NR6A1: variants seen among roughly 807,000 people sequenced by gnomAD.
NR6A1 encodes the protein nuclear receptor subfamily 6 group A member 1.
NR6A1 carries 7 observed loss-of-function variants against 59.1 expected under a neutral mutation model. The observed-to-expected ratio is 0.12, with a 90% CI of 0.07 to 0.22. NR6A1 has a LOEUF of 0.22. NR6A1 is among the 10% of genes least tolerant of loss of function. NR6A1 has a pLI of 1.00. For synonymous variants in NR6A1, 243 were observed against 236.1 expected, an observed-to-expected ratio of 1.03 and a Z score of -0.27; for missense variants, 468 against 611.6, an observed-to-expected ratio of 0.77 and a Z score of 2.48.
At chr9:124,718,162 C>CT (rs1311408752) in intron 2 of NR6A1, among the ~76,000 whole-genome samples, 2 of 152,236 alleles carry the variant, frequency 1.3e-5, no homozygotes, top group African/African-American at 4.8e-5. Context: ...CTAACTTTCA[C>CT]TCATGTTTTT....
chr9:124,535,900 G>A lies in NR6A1; in HGVS notation c.1057C>T (p.Pro353Ser). ...CACCTGTGTAGTTCTTCATCGGAGG[G>A]CGAGTACTTGGCAGTGACATCAGCC... ...ELADVTAKYS[P>S]SDEELHRFSD... is the part of the protein sequence containing the mutation. The change falls in exon 7 of 10, where the codon CCC (proline) becomes TCC (serine). Residue 353 changes from proline to serine, a missense_variant. By Grantham distance (74) the Pro-to-Ser change is moderately conservative. This residue lies in a region of NR6A1 where 176 missense variants were observed against 264.0 expected (regional missense o/e 0.67). Transcript: ENST00000487099. 1 of 1,614,114 alleles carries A rather than the reference G, an allele frequency of 6.2e-7. No homozygotes were observed. Among genetic ancestry groups the A allele is most frequent in the Non-Finnish European group, 8.5e-7 (1 of 1,180,016 alleles).
At chr9:124,671,201 T>TTTTTTGCACAACAAAGTG (rs1837784998) in intron 2 of NR6A1, among the ~76,000 whole-genome samples, 1 of 152,226 alleles carries the variant, frequency 6.6e-6, no homozygotes, top group Admixed American at 6.5e-5. Context: ...AAAGTGAATA[T>TTTTTTGCACAACAAAGTG]ATACTACTGA....
chr9:124,578,269 C>T (rs1000558997), intron 2 of NR6A1, among the ~76,000 whole-genome samples: 1 of 151,792 alleles, frequency 6.6e-6, no homozygotes, highest in Non-Finnish European at 1.5e-5. Context: ...TAAACCAAAA[C>T]TCCCCCTTGA....
chr9:124,592,963 A>G (rs1227854445), intron 2 of NR6A1, among the ~76,000 whole-genome samples: 1 of 152,242 alleles, frequency 6.6e-6, no homozygotes, highest in Non-Finnish European at 1.5e-5. Context: ...GATACAGTAA[A>G]ACAGGAATGT....
chr9:124,707,857 A>G (rs1402650219), intron 2 of NR6A1, among the ~76,000 whole-genome samples: 2 of 152,134 alleles, frequency 1.3e-5, no homozygotes, highest in Admixed American at 6.5e-5. Flanking sequence ...GTAATCAACC[A>G]CCTTGAGCTC....
chr9:124,757,983 G>A (rs1056358654), intron 1 of NR6A1, among the ~76,000 whole-genome samples: 1 of 152,152 alleles, frequency 6.6e-6, no homozygotes, highest in Non-Finnish European at 1.5e-5. Context: ...GAAAAGGCTC[G>A]CAGCAGATAG....
rs1463276675 is a variant in NR6A1, at chr9:124,526,838, T to C, written c.1142A>G (p.Gln381Arg). ...ATACTCCTCGTTGCTGACCTTTAGC[T>C]GATGGAACTTGTGATAGAGGTAGAT... ...RLIYLYHKFHQLKVSNEEYAC... is the reference protein window; with the variant it reads ...RLIYLYHKFHRLKVSNEEYAC... Residue 381 changes from glutamine (Q) to arginine (R), a missense_variant, in exon 8 of 10, where the codon CAG becomes CGG. Physicochemically the swap from Gln to Arg is conservative, Grantham distance 43. Around this residue, in one of 4 missense-constraint regions of NR6A1, gnomAD observed 176 missense variants for 264.0 expected, o/e 0.67. Coordinates refer to ENST00000487099, the MANE Select transcript of NR6A1 (RefSeq NM_033334.4). 2 of 1,614,156 alleles carry C rather than the reference T, an allele frequency of 1.2e-6. No homozygotes were observed. The highest frequency in any genetic ancestry group is 1.1e-5 in the South Asian group (1 of 91,082).
At chr9:124,622,642 A>G (rs924740278) in intron 2 of NR6A1, among the ~76,000 whole-genome samples, 2 of 152,186 alleles carry the variant, frequency 1.3e-5, no homozygotes, top group Non-Finnish European at 2.9e-5. Flanking sequence ...GATACTTGAT[A>G]TATTTTTTCA....
rs539559812 is a variant in NR6A1 at position 124,646,919 on chromosome 9, T to C, written c.142+86389A>G. ...AACAAAAAGTTGTGGGTGTGGAGTT[T>C]TTAAATTTTTTAACAGATAGAATCT... is the stretch of plus-strand genomic sequence containing the variant. On this transcript the variant is annotated intron_variant, in intron 2 of 9. Coordinates refer to ENST00000487099, the MANE Select transcript of NR6A1 (RefSeq NM_033334.4). 2.3e-4 allele frequency among the ~76,000 whole-genome samples: 35 copies of C among 152,332 alleles called. No individual in the cohort carries two copies. The South Asian group carries it at 3.1e-3, about 14-fold the overall frequency.
chr9:124,615,983 T>G (rs1156373732), intron 2 of NR6A1, among the ~76,000 whole-genome samples: 1 of 151,910 alleles, frequency 6.6e-6, no homozygotes, highest in African/African-American at 2.4e-5. Flanking sequence ...TGCCTCAGCC[T>G]CACAAAGCTG....
At chr9:124,533,230 C>T (rs1019981097) in intron 7 of NR6A1, among the ~76,000 whole-genome samples, 1 of 152,220 alleles carries the variant, frequency 6.6e-6, no homozygotes, top group African/African-American at 2.4e-5. Flanking sequence ...AGCATCAGAG[C>T]AGGCTGACTG....
chr9:124,602,184 T>C (rs960195742), intron 2 of NR6A1, among the ~76,000 whole-genome samples: 4 of 152,186 alleles, frequency 2.6e-5, no homozygotes, highest in Non-Finnish European at 5.9e-5. Flanking sequence ...TCCATGAATT[T>C]TTAAAGTATC....
intron 2 of NR6A1, among the ~76,000 whole-genome samples, chr9:124,691,692 G>A (rs1838548978): frequency 1.3e-5 from 2 of 152,118 alleles, no homozygotes; most frequent in Non-Finnish European, 2.9e-5. Flanking sequence ...TAGGTGGTGG[G>A]TTTTTGGTTT....
At chr9:124,691,179 T>C (rs1457196302) in intron 2 of NR6A1, among the ~76,000 whole-genome samples, 1 of 152,242 alleles carries the variant, frequency 6.6e-6, no homozygotes, top group Non-Finnish European at 1.5e-5. Flanking sequence ...TGATTTTTTG[T>C]GTGTGTATAC....
intron 2 of NR6A1, among the ~76,000 whole-genome samples, chr9:124,639,708 C>A (rs113754451): frequency 6.6e-6 from 1 of 152,070 alleles, no homozygotes; most frequent in African/African-American, 2.4e-5. Flanking sequence ...AGGAGGAGGG[C>A]AAATGGATCA....
At chr9:124,714,206 A>C (rs1839355634) in intron 2 of NR6A1, among the ~76,000 whole-genome samples, 2 of 152,316 alleles carry the variant, frequency 1.3e-5, no homozygotes, top group South Asian at 4.1e-4. Context: ...CATAGAGACA[A>C]AAAGTAGAAT....
intron 2 of NR6A1, among the ~76,000 whole-genome samples, chr9:124,727,178 A>G (rs1839747223): frequency 6.6e-6 from 1 of 152,198 alleles, no homozygotes; most frequent in Admixed American, 6.5e-5. Flanking sequence ...AAACTACAAC[A>G]TATGTCATCT....
At chr9:124,671,954 G>A (rs1588766774) in intron 2 of NR6A1, among the ~76,000 whole-genome samples, 1 of 152,110 alleles carries the variant, frequency 6.6e-6, no homozygotes, top group East Asian at 1.9e-4. Context: ...AGAACCTTGT[G>A]CCCTCCAGCT....
intron 1 of NR6A1, among the ~76,000 whole-genome samples, chr9:124,765,337 C>T (rs1406763648): frequency 6.6e-6 from 1 of 152,110 alleles, no homozygotes; most frequent in Non-Finnish European, 1.5e-5. Context: ...CTTTTGAAAT[C>T]GTGACTGTCA....
Sources: gnomAD v4.1 joint callset for allele counts (sites outside exome capture counted in the v4.1 genomes callset) on GRCh38, gnomAD v4.1.1 for gene constraint, gnomAD v4.1.1 regional missense constraint, MANE v1.5 for transcripts, NCBI Gene and HGNC (gene_info 2026-07-23, HGNC 2026-07-21) for gene names.